AQP7B: variants seen among roughly 807,000 people sequenced by gnomAD.
AQP7B encodes the protein putative aquaporin-7B.
the AQP7B span, among the ~76,000 whole-genome samples, chr2:94,602,099 T>G: frequency 6.7e-6 from 1 of 148,174 alleles, no homozygotes; most frequent in Non-Finnish European, 1.5e-5. Flanking sequence ...GATTTGGAGG[T>G]CCCTTGAAGA....
At chr2:94,603,265 A>T in the AQP7B span, 1 of 1,393,546 alleles carries the variant, frequency 7.2e-7, no homozygotes, top group Non-Finnish European at 9.8e-7. Context: ...ATTTGTAAAA[A>T]ATAGCTGGGA....
At chr2:94,590,402 G>A in the AQP7B span, among the ~76,000 whole-genome samples, 2 of 151,958 alleles carry the variant, frequency 1.3e-5, no homozygotes, top group Non-Finnish European at 2.9e-5. Context: ...TGGCCAGGCT[G>A]GTCTTGAACT....
the AQP7B span, among the ~76,000 whole-genome samples, chr2:94,588,812 C>T: frequency 6.6e-6 from 1 of 151,374 alleles, no homozygotes; most frequent in Non-Finnish European, 1.5e-5. Context: ...CTCAACTGCA[C>T]TCAGCACCTC....
chr2:94,598,706 C>A, the AQP7B span, among the ~76,000 whole-genome samples: 1 of 152,246 alleles, frequency 6.6e-6, no homozygotes, highest in East Asian at 1.9e-4. Context: ...GTTATCTAAA[C>A]AAAACCTGTG....
At chr2:94,596,037 G>A in the AQP7B span, among the ~76,000 whole-genome samples, 2 of 152,230 alleles carry the variant, frequency 1.3e-5, no homozygotes, top group African/African-American at 2.4e-5. Flanking sequence ...GAGAAGGAAC[G>A]GTCAGAGAGG....
the AQP7B span, among the ~76,000 whole-genome samples, chr2:94,593,701 G>A: frequency 1.3e-5 from 2 of 151,924 alleles, no homozygotes; most frequent in Non-Finnish European, 2.9e-5. Context: ...GTTCAGGCTG[G>A]TCTCGAACTC....
At chr2:94,591,188 A>G in the AQP7B span, among the ~76,000 whole-genome samples, 1 of 151,870 alleles carries the variant, frequency 6.6e-6, no homozygotes, top group Admixed American at 6.6e-5. Context: ...ATGTGTCTGT[A>G]AGTGAGACCA....
the AQP7B span, among the ~76,000 whole-genome samples, chr2:94,600,966 A>G: frequency 2.9e-3 from 436 of 152,120 alleles, 2 homozygotes; most frequent in African/African-American, 9.8e-3. Flanking sequence ...GGATCACTTG[A>G]GCCAAGGAGA....
chr2:94,588,283 TG>T, the AQP7B span, among the ~76,000 whole-genome samples: 2 of 151,806 alleles, frequency 1.3e-5, no homozygotes, highest in African/African-American at 4.8e-5. Context: ...GGCCTGGGGT[TG>T]GGGTCCTGGG....
At chr2:94,596,708 T>C in the AQP7B span, among the ~76,000 whole-genome samples, 1 of 152,136 alleles carries the variant, frequency 6.6e-6, no homozygotes, top group East Asian at 1.9e-4. Context: ...AATTTAGCTT[T>C]CTTGTTTTTG....
the AQP7B span, chr2:94,594,973 C>T: frequency 4.4e-6 from 3 of 678,196 alleles, no homozygotes; most frequent in East Asian, 5.7e-5. Context: ...CATTCCTTGC[C>T]TCTGAGCTGG....
At chr2:94,591,020 C>G in the AQP7B span, among the ~76,000 whole-genome samples, 1 of 151,376 alleles carries the variant, frequency 6.6e-6, no homozygotes, top group East Asian at 1.9e-4. Flanking sequence ...TATTTAGTTC[C>G]TTGGTTAGCA....
the AQP7B span, among the ~76,000 whole-genome samples, chr2:94,589,138 ACACTAC>A: frequency 4.0e-5 from 6 of 149,598 alleles, no homozygotes; most frequent in African/African-American, 1.5e-4. Flanking sequence ...TTACAGGCAC[ACACTAC>A]CATGCCCAGC....
the AQP7B span, chr2:94,602,557 C>T: frequency 3.1e-6 from 5 of 1,604,426 alleles, no homozygotes; most frequent in Non-Finnish European, 4.3e-6. Flanking sequence ...ACCTTGGTGT[C>T]AACTTGGGTT....
chr2:94,598,083 T>C, the AQP7B span, among the ~76,000 whole-genome samples: 1 of 152,244 alleles, frequency 6.6e-6, no homozygotes. Context: ...GAAAAATTCT[T>C]GCTGTGCAGA....
the AQP7B span, among the ~76,000 whole-genome samples, chr2:94,589,147 T>A: frequency 1.3e-5 from 2 of 151,772 alleles, no homozygotes; most frequent in South Asian, 4.2e-4. Flanking sequence ...CACACTACCA[T>A]GCCCAGCTAA....
At chr2:94,595,530 G>C in the AQP7B span, among the ~76,000 whole-genome samples, 4 of 152,138 alleles carry the variant, frequency 2.6e-5, no homozygotes, top group Non-Finnish European at 5.9e-5. Flanking sequence ...GGGTGATGTT[G>C]AAGGCTGGCA....
the AQP7B span, among the ~76,000 whole-genome samples, chr2:94,598,548 T>C: frequency 1.3e-5 from 2 of 152,184 alleles, no homozygotes; most frequent in African/African-American, 4.8e-5. Context: ...GTGGGGACTT[T>C]GGCTGGCTGC....
At chr2:94,596,146 A>T in the AQP7B span, among the ~76,000 whole-genome samples, 7 of 152,256 alleles carry the variant, frequency 4.6e-5, no homozygotes, top group African/African-American at 1.7e-4. Context: ...GGGCCACGCA[A>T]GGTGAGCACT....
Sources: allele counts gnomAD v4.1 joint callset (sites outside exome capture counted in the v4.1 genomes callset), GRCh38; gene constraint gnomAD v4.1.1; transcripts MANE v1.5; gene names NCBI Gene and HGNC (gene_info 2026-07-23, HGNC 2026-07-21).